The following TARM1 variants were observed in gnomAD, a reference collection of about 807,000 sequenced individuals.
The protein encoded by TARM1 is T-cell-interacting, activating receptor on myeloid cells protein 1.
In TARM1, 24 loss-of-function variants were observed where a neutral mutation model predicts 30.4. That is an observed-to-expected ratio of 0.79 (90% CI 0.57 to 1.11). The LOEUF (loss-of-function observed/expected upper bound fraction) is 1.11, where lower values mean the gene tolerates loss of function less well. Ranked by LOEUF, TARM1 falls within the 50% of genes least tolerant of loss-of-function variation. TARM1 has a pLI of 0.00. For synonymous variants in TARM1, 129 were observed against 138.9 expected, an observed-to-expected ratio of 0.93 and a Z score of 0.50; for missense variants, 323 against 332.8, an observed-to-expected ratio of 0.97 and a Z score of 0.23.
intron 2 of TARM1, 81 bp from the exon 3 acceptor site, chr19:54,075,195 A>ATTG: frequency 8.3e-7 from 1 of 1,208,276 alleles, no homozygotes. Flanking sequence ...TATTATTATT[A>ATTG]TTATTATTTT....
chr19:54,079,136 C>T (rs1468711117), intron 1 of TARM1, among the ~76,000 whole-genome samples: 7 of 147,222 alleles, frequency 4.8e-5, no homozygotes, highest in South Asian at 2.1e-4. Context: ...TGGTGGTGAG[C>T]GCCAGTGATC....
rs187682154 is a variant in TARM1, at chr19:54,076,583, G to A, written c.35-665C>T. 6.5e-3 allele frequency: 1,205 copies of A among 186,516 alleles called. 10 individuals are homozygous for A. Among genetic ancestry groups the A allele is most frequent in the African/African-American group, 0.026 (1,103 of 42,936 alleles). 11.6% of individuals were successfully genotyped at this position (186,516 alleles called of 1,614,324 possible). A position where few individuals can be genotyped will look rare whatever the true frequency, so the allele number is the denominator to read the frequency against. On this transcript the variant is annotated intron_variant, in intron 1 of 4. Transcript: ENST00000432826. ...TCACCATATTGGCCAGGCTGGTCTC[G>A]AACTCCTGACCTCAGGTGATCCACC...
intron 1 of TARM1, chr19:54,076,175 C>G: frequency 2.0e-6 from 3 of 1,499,068 alleles, no homozygotes; most frequent in Non-Finnish European, 2.6e-6. Context: ...CCCACAAATC[C>G]TTCCATTCTC....
Position 54,069,926 on chromosome 19 carries a change from TAGAA to T in TARM1, c.*73_*76del. 8.7e-7 allele frequency: 1 copy of T among 1,145,794 alleles called. No homozygotes were observed. The highest frequency in any genetic ancestry group is 1.2e-6 in the Non-Finnish European group (1 of 804,324). The allele number at this position is 1,145,794 out of a possible 1,614,324, so 71.0% of individuals were successfully genotyped here. ...TTGTGACCTGTCTCATCCTGTGACT[TAGAA>T]AGCCTCAACCCCCTGGGAATGCAGT... is the stretch of plus-strand genomic sequence containing the variant. On this transcript the variant is annotated 3_prime_UTR_variant, in exon 5 of 5. Transcript: ENST00000432826.
At chr19:54,075,849 A>G (rs1162510215) in intron 2 of TARM1, 34 bp downstream of exon 2, 3 of 1,549,440 alleles carry the variant, frequency 1.9e-6, no homozygotes, top group African/African-American at 1.4e-5. Flanking sequence ...TTGGGATGAC[A>G]GGCCAAGGAG....
chr19:54,074,835 A>G lies in TARM1; in HGVS notation c.350T>C (p.Leu117Pro), dbSNP rs890093107. 35 of 1,551,316 alleles carry G rather than the reference A, an allele frequency of 2.3e-5. No individual in the cohort carries two copies. The highest frequency in any genetic ancestry group is 2.8e-5 in the Non-Finnish European group (32 of 1,146,820). Residue 117 changes from leucine to proline, a missense_variant, in exon 3 of 5, where the codon CTG becomes CCG. Transcript: ENST00000432826. ...ILSQHSDVLL[L>P]LVTGHLSKPF... is the part of the protein sequence containing the mutation. ...CACCCTGTCTGTACCTGTCACCAAC[A>G]GTAGAAGGACGTCACTGTGCTGTGA...
chr19:54,076,066 G>C, intron 1 of TARM1, 148 bp from the exon 2 acceptor site: 1 of 1,418,962 alleles, frequency 7.0e-7, no homozygotes, highest in Non-Finnish European at 9.4e-7. Context: ...CCCCACACTG[G>C]ACTGTGGCTT....
chr19:54,080,097 AAGGAAGGAAGGAAGGAAGGAAGGAAGG>A (rs2072066095), intron 1 of TARM1, among the ~76,000 whole-genome samples: 2 of 32,648 alleles, frequency 6.1e-5, no homozygotes, highest in East Asian at 2.1e-3. Flanking sequence ...GAAAGAAAGG[AAGGAAGGAAGGAAGGAAGGAAGGAAGG>A]AAGGAAGGAA....
intron 1 of TARM1, among the ~76,000 whole-genome samples, chr19:54,077,332 A>G (rs1295512183): frequency 6.6e-6 from 1 of 151,906 alleles, no homozygotes; most frequent in Non-Finnish European, 1.5e-5. Context: ...ATGAGCTGAG[A>G]TCGCACCACT....
chr19:54,075,119 A>T lies in TARM1; in HGVS notation c.71-5T>A, dbSNP rs1010008029. The T allele has an allele frequency of 7.7e-6, 12 of 1,550,316 alleles. No homozygotes were observed. The highest frequency in any genetic ancestry group is 9.6e-6 in the Non-Finnish European group (11 of 1,146,378). On this transcript the variant is annotated splice_region_variant and splice_polypyrimidine_tract_variant and intron_variant, in intron 2 of 4. Transcript: ENST00000432826. ...GGGACGGCTTGGGCAGTGACCCTGG[A>T]AGGAAGCAGAGCCTGATGCTGGACC...
chr19:54,075,765 C>G, intron 2 of TARM1, 118 bp downstream of exon 2: 1 of 1,197,878 alleles, frequency 8.3e-7, no homozygotes, highest in Admixed American at 2.3e-5. Context: ...CGCACTCCAG[C>G]CTGGCGAAAG....
Position 54,074,856 on chromosome 19 carries a change from T to A in TARM1, c.329A>T (p.Gln110Leu), listed in dbSNP as rs1000021578. Residue 110 changes from glutamine to leucine, a missense_variant, in exon 3 of 5, where the codon CAG becomes CTG. Gln to Leu is a moderately radical substitution (Grantham distance 113). Coordinates refer to ENST00000432826, the MANE Select transcript of TARM1 (RefSeq NM_001135686.3). ...CAACAGTAGAAGGACGTCACTGTGCTGTGAAAGGATGTGGGGGGATGCTTT... is the reference window on the plus strand; with the variant it reads ...CAACAGTAGAAGGACGTCACTGTGCAGTGAAAGGATGTGGGGGGATGCTTT... ...YRKASPHILS[Q>L]HSDVLLLLVT... 27 of 1,551,496 alleles carry A rather than the reference T, an allele frequency of 1.7e-5. No individual in the cohort carries two copies. Among genetic ancestry groups the A allele is most frequent in the Admixed American group, 9.8e-5 (5 of 50,946 alleles).
chr19:54,074,958 G>A lies in TARM1; in HGVS notation c.227C>T (p.Thr76Ile). ...ILESPKPLDS[T>I]EGAAEFHLNN... ...GAGGTGAAATTCGGCCGCGCCCTCT[G>A]TAGAATCAAGGGGCTTCGGGGACTC... The change falls in exon 3 of 5, where the codon ACA becomes ATA. Residue 76 changes from threonine (T) to isoleucine (I), a missense_variant. Physicochemically the swap from Thr to Ile is moderately conservative, Grantham distance 89. Coordinates refer to ENST00000432826, the MANE Select transcript of TARM1 (RefSeq NM_001135686.3). 1 of 1,551,552 alleles carries A rather than the reference G, an allele frequency of 6.4e-7. No individual in the cohort carries two copies. The highest frequency in any genetic ancestry group is 8.7e-7 in the Non-Finnish European group (1 of 1,146,970).
intron 4 of TARM1, 109 bp from the exon 5 acceptor site, chr19:54,070,269 GTT>G (rs1298622508): frequency 2.4e-5 from 29 of 1,197,316 alleles, no homozygotes; most frequent in Non-Finnish European, 2.8e-5. Flanking sequence ...CGGTTTTTTG[GTT>G]TTTTTTTTTG....
chr19:54,079,022 C>T (rs372449369), intron 1 of TARM1, among the ~76,000 whole-genome samples: 26 of 149,100 alleles, frequency 1.7e-4, no homozygotes, highest in Non-Finnish European at 2.5e-4. Context: ...TTTGGGAGGC[C>T]GAGACAGGCA....
chr19:54,079,221 G>A (rs1273101566), intron 1 of TARM1, among the ~76,000 whole-genome samples: 4 of 145,832 alleles, frequency 2.7e-5, no homozygotes, highest in African/African-American at 1.0e-4. Context: ...CTGAGATTAG[G>A]CCACTGTACT....
At chr19:54,073,174 C>T (rs997533367) in intron 4 of TARM1, among the ~76,000 whole-genome samples, 6 of 151,278 alleles carry the variant, frequency 4.0e-5, no homozygotes, top group African/African-American at 7.3e-5. Flanking sequence ...TTTGGGAGGC[C>T]GAGGCAGGCA....
At chr19:54,077,545 G>A (rs2071987135) in intron 1 of TARM1, among the ~76,000 whole-genome samples, 1 of 151,984 alleles carries the variant, frequency 6.6e-6, no homozygotes, top group Non-Finnish European at 1.5e-5. Context: ...GGTCTCAGCA[G>A]GAAAAAGGAG....
intron 3 of TARM1, 105 bp downstream of exon 3, chr19:54,074,719 A>C: frequency 1.6e-6 from 2 of 1,227,378 alleles, no homozygotes; most frequent in African/African-American, 1.5e-5. Flanking sequence ...CTCTCCCACC[A>C]CCCCCAACTA....
Sources: gnomAD v4.1 joint callset for allele counts (sites outside exome capture counted in the v4.1 genomes callset) on GRCh38, gnomAD v4.1.1 for gene constraint, MANE v1.5 for transcripts, NCBI Gene and HGNC (gene_info 2026-07-23, HGNC 2026-07-21) for gene names.